ARHGAP31: variants seen among roughly 807,000 people sequenced by gnomAD.
ARHGAP31 encodes the protein rho GTPase-activating protein 31.
Under a neutral mutation model 113.9 loss-of-function variants are expected in ARHGAP31, and 34 were observed. The ratio of observed to expected loss-of-function variants is 0.30; its 90% CI spans 0.23 to 0.40. ARHGAP31 has a LOEUF of 0.40. ARHGAP31 is among the 10% of genes least tolerant of loss of function. ARHGAP31 has a pLI of 1.00. For synonymous variants in ARHGAP31, 650 were observed against 684.8 expected, an observed-to-expected ratio of 0.95 and a Z score of 0.79; for missense variants, 1,548 against 1,767.1, an observed-to-expected ratio of 0.88 and a Z score of 2.22.
intron 1 of ARHGAP31, among the ~76,000 whole-genome samples, chr3:119,299,405 T>A (rs940795298): frequency 4.6e-5 from 7 of 152,222 alleles, no homozygotes; most frequent in Admixed American, 2.0e-4. Context: ...CATTAACATA[T>A]ATATATGACA....
In ARHGAP31 at chr3:119,418,406, A is replaced by G. The variant is rs2080795861; in HGVS notation, c.*2142A>G. The G allele has an allele frequency of 6.6e-6, 1 of 152,242 alleles. No homozygotes were observed. Among genetic ancestry groups the G allele is most frequent in the East Asian group, 1.9e-4 (1 of 5,196 alleles). 9.4% of individuals were successfully genotyped at this position (152,242 alleles called of 1,614,324 possible). ...CCTGCCTTATCAGAAAATGTGTCAG[A>G]CAGGTTTTATGTCAGCCTCAGTGCT... On this transcript the variant is annotated 3_prime_UTR_variant, in exon 12 of 12. Transcript: ENST00000264245.
chr3:119,301,901 C>T (rs1201563754), intron 1 of ARHGAP31, among the ~76,000 whole-genome samples: 2 of 152,218 alleles, frequency 1.3e-5, no homozygotes. Context: ...ACCACACTTG[C>T]TCTGAGCCGC....
intron 1 of ARHGAP31, among the ~76,000 whole-genome samples, chr3:119,318,632 A>T (rs2079754959): frequency 6.6e-6 from 1 of 152,196 alleles, no homozygotes; most frequent in Admixed American, 6.5e-5. Flanking sequence ...CTAGGGTAGA[A>T]ATTCACAACT....
rs760107396 is a variant in ARHGAP31 at position 119,368,556 on chromosome 3, G to A, written c.348+40G>A. ...TTCCATTATGGTTACTGGGTGGGAT[G>A]CATGGATGGGCCAAGAAGAGTTTCA... On this transcript the variant is annotated intron_variant, in intron 3 of 11. Coordinates refer to ENST00000264245, the MANE Select transcript of ARHGAP31 (RefSeq NM_020754.4). 6.2e-6 allele frequency: 10 copies of A among 1,610,516 alleles called. No individual in the cohort carries two copies. The South Asian group carries it at 8.8e-5, about 14-fold the overall frequency.
intron 10 of ARHGAP31, among the ~76,000 whole-genome samples, chr3:119,406,314 C>T (rs533778045): frequency 6.6e-6 from 1 of 152,212 alleles, no homozygotes; most frequent in African/African-American, 2.4e-5. Context: ...CAAGTTCCTC[C>T]AACTACTAGA....
At chr3:119,340,669 T>C (rs1282525668) in intron 1 of ARHGAP31, among the ~76,000 whole-genome samples, 2 of 152,192 alleles carry the variant, frequency 1.3e-5, no homozygotes, top group East Asian at 1.9e-4. Flanking sequence ...TCAAACACCA[T>C]GGATATGAGG....
At position 119,294,480 on chromosome 3, in the gene ARHGAP31, C is replaced by T. The variant is rs1369721294; in HGVS notation, c.-425C>T. On this transcript the variant is annotated 5_prime_UTR_variant, in exon 1 of 12. Transcript: ENST00000264245. ...AGCGGGCCCAGGGCGCAGGACCCAC[C>T]GCAGCCCCCTGGGCAGTCTCCTCGC... is the stretch of plus-strand genomic sequence containing the variant. The T allele has an allele frequency of 6.9e-6, 3 of 436,184 alleles. No individual in the cohort carries two copies. Among genetic ancestry groups the T allele is most frequent in the Non-Finnish European group, 1.2e-5 (3 of 252,710 alleles). 27.0% of individuals were successfully genotyped at this position (436,184 alleles called of 1,614,324 possible).
rs553297594 is a variant in ARHGAP31, at chr3:119,320,587, C to G, written c.100+25583C>G. On this transcript the variant is annotated intron_variant, in intron 1 of 11. Transcript: ENST00000264245. ...AACCTTACCCATTACTCCCTTACCTCCTATCTTAAATAATGTTTGAGTGTA... is the reference window on the plus strand; with the variant it reads ...AACCTTACCCATTACTCCCTTACCTGCTATCTTAAATAATGTTTGAGTGTA... Among the ~76,000 whole-genome samples the G allele has an allele frequency of 2.6e-5, 4 of 152,316 alleles. No individual in the cohort carries two copies. The South Asian group carries it at 6.2e-4, about 24-fold the overall frequency.
At chr3:119,362,991 A>G (rs1009827990) in intron 1 of ARHGAP31, among the ~76,000 whole-genome samples, 3 of 152,162 alleles carry the variant, frequency 2.0e-5, no homozygotes, top group African/African-American at 7.2e-5. Flanking sequence ...ATTTGTAAGT[A>G]TTATTTCAGT....
At chr3:119,379,329 G>A (rs1489555119) in intron 3 of ARHGAP31, among the ~76,000 whole-genome samples, 1 of 152,214 alleles carries the variant, frequency 6.6e-6, no homozygotes, top group Admixed American at 6.5e-5. Context: ...GCCCAGGCTG[G>A]AGCAGGACCT....
chr3:119,348,309 T>C (rs2080079778), intron 1 of ARHGAP31, among the ~76,000 whole-genome samples: 1 of 152,244 alleles, frequency 6.6e-6, no homozygotes, highest in Non-Finnish European at 1.5e-5. Flanking sequence ...GGTAATGTGC[T>C]TCAATCATCG....
rs762986077 is a variant in ARHGAP31 at position 119,416,075 on chromosome 3, A to C, written c.4146A>C (p.Thr1382=). ...LLSPIRSPTQ[T]VSPGLLCGEL... is the part of the protein sequence containing the mutation. ...CCCCTATCAGAAGTCCCACCCAGAC[A>C]GTTTCCCCTGGCCTTCTTTGTGGAG... is the stretch of plus-strand genomic sequence containing the variant. The change falls in exon 12 of 12, where the codon ACA becomes ACC. Residue 1382 remains threonine, a synonymous_variant. Transcript: ENST00000264245. 11 of 1,614,082 alleles carry C rather than the reference A, an allele frequency of 6.8e-6. No homozygotes were observed. The East Asian group carries it at 2.5e-4, about 36-fold the overall frequency.
intron 1 of ARHGAP31, among the ~76,000 whole-genome samples, chr3:119,357,937 G>T (rs192893876): frequency 6.6e-6 from 1 of 152,246 alleles, no homozygotes; most frequent in Admixed American, 6.5e-5. Flanking sequence ...AATGATGAAG[G>T]ATGTGGACAA....
chr3:119,299,395 C>T (rs2079561251), intron 1 of ARHGAP31, among the ~76,000 whole-genome samples: 2 of 152,306 alleles, frequency 1.3e-5, no homozygotes, highest in South Asian at 4.1e-4. Flanking sequence ...GAAAAATACA[C>T]ATTAACATAT....
chr3:119,323,004 G>T (rs1157191496), intron 1 of ARHGAP31, among the ~76,000 whole-genome samples: 2 of 152,180 alleles, frequency 1.3e-5, no homozygotes, highest in African/African-American at 4.8e-5. Context: ...GGGTCCGGGC[G>T]CCCGCCCGGC....
Position 119,294,960 on chromosome 3 carries a change from T to C in ARHGAP31, c.56T>C (p.Phe19Ser), listed in dbSNP as rs1245949730. 6.2e-7 allele frequency: 1 copy of C among 1,614,092 alleles called. No individual in the cohort carries two copies. The highest frequency in any genetic ancestry group is 1.1e-5 in the South Asian group (1 of 91,078). ...KLKRKGAASA[F>S]GCDLTEYLES... ...AAACGAAAGGGAGCCGCCAGCGCGT[T>C]TGGCTGTGACCTGACGGAGTATCTG... The change falls in exon 1 of 12, where the codon TTT (phenylalanine) becomes TCT (serine). Residue 19 changes from phenylalanine (F) to serine (S), a missense_variant. Transcript: ENST00000264245.
Position 119,383,107 on chromosome 3 carries a change from G to T in ARHGAP31, c.563G>T (p.Gly188Val). The T allele has an allele frequency of 6.2e-7, 1 of 1,614,190 alleles. No homozygotes were observed. The highest frequency in any genetic ancestry group is 1.1e-5 in the South Asian group (1 of 91,088). Residue 188 changes from glycine (G) to valine (V), a missense_variant, in exon 6 of 12, where the codon GGT becomes GTT. Coordinates refer to ENST00000264245, the MANE Select transcript of ARHGAP31 (RefSeq NM_020754.4). The stretch of plus-strand genomic sequence containing the variant: ...AGGTCTAAAGAAATTGAAGCCACTG[G>T]TTGCAATGGAGATGCAGCCTTCCTT... ...LLRSKEIEATGCNGDAAFLAV... is the reference protein window; with the variant it reads ...LLRSKEIEATVCNGDAAFLAV...
chr3:119,362,135 T>C (rs1473253734), intron 1 of ARHGAP31, among the ~76,000 whole-genome samples: 1 of 152,204 alleles, frequency 6.6e-6, no homozygotes, highest in Non-Finnish European at 1.5e-5. Flanking sequence ...ACAGGTTGGT[T>C]ACCCTGTACT....
chr3:119,321,562 T>C (rs1247681339), intron 1 of ARHGAP31, among the ~76,000 whole-genome samples: 1 of 150,738 alleles, frequency 6.6e-6, no homozygotes, highest in Non-Finnish European at 1.5e-5. Context: ...ATATATTATA[T>C]ATATATATGA....
Sources: allele counts gnomAD v4.1 joint callset (sites outside exome capture counted in the v4.1 genomes callset), GRCh38; gene constraint gnomAD v4.1.1; transcripts MANE v1.5; gene names NCBI Gene and HGNC (gene_info 2026-07-23, HGNC 2026-07-21).